Variants in KCTD8 observed in about 807,000 individuals in gnomAD.
KCTD8 encodes potassium channel tetramerization domain containing 8.
In KCTD8, 27 loss-of-function variants were observed where a neutral mutation model predicts 31.5. The observed-to-expected ratio is 0.86, with a 90% CI of 0.63 to 1.18. KCTD8 has a LOEUF of 1.18. Among genes scored for constraint, KCTD8 ranks in the 50% most tolerant of loss-of-function variants. The probability of loss-of-function intolerance (pLI) is 0.00; values close to 1 mark genes in which losing one functional copy is unlikely to be tolerated. For synonymous variants in KCTD8, 290 were observed against 280.0 expected (o/e 1.04, Z -0.36); for missense variants, 658 against 647.7 (o/e 1.02, Z -0.17).
At chr4:44,363,062 G>T (rs1719541684) in intron 1 of KCTD8, among the ~76,000 whole-genome samples, 1 of 151,974 alleles carries the variant, frequency 6.6e-6, no homozygotes, top group Non-Finnish European at 1.5e-5. Context: ...ATATTGGAAA[G>T]GAGGTTATGT....
intron 1 of KCTD8, among the ~76,000 whole-genome samples, chr4:44,218,532 A>C (rs932103153): frequency 2.0e-5 from 3 of 150,858 alleles, no homozygotes; most frequent in African/African-American, 7.3e-5. Context: ...TTCACATTGC[A>C]TGCCTGTATC....
At chr4:44,401,432 T>C (rs949791083) in intron 1 of KCTD8, among the ~76,000 whole-genome samples, 2 of 152,120 alleles carry the variant, frequency 1.3e-5, no homozygotes, top group African/African-American at 4.8e-5. Context: ...CAAAAGTCTG[T>C]GAACATATGG....
chr4:44,210,743 C>T (rs1016871143), intron 1 of KCTD8, among the ~76,000 whole-genome samples: 5 of 152,122 alleles, frequency 3.3e-5, no homozygotes, highest in Non-Finnish European at 7.4e-5. Context: ...GGAAGGGCAC[C>T]ACTTTCCTCT....
At chr4:44,303,631 C>G (rs142042754) in intron 1 of KCTD8, among the ~76,000 whole-genome samples, 1 of 151,916 alleles carries the variant, frequency 6.6e-6, no homozygotes, top group Non-Finnish European at 1.5e-5. Context: ...GCCTGGGCAA[C>G]ATAGCAAAAT....
At chr4:44,283,058 A>G (rs1716945655) in intron 1 of KCTD8, among the ~76,000 whole-genome samples, 1 of 110,430 alleles carries the variant, frequency 9.1e-6, no homozygotes, top group South Asian at 3.1e-4. Flanking sequence ...TATTATTATT[A>G]TTATTATTAT....
At position 44,297,194 on chromosome 4, in the gene KCTD8, A is replaced by G. The variant is rs146399113; in HGVS notation, c.962-121944T>C. Among the ~76,000 whole-genome samples the G allele has an allele frequency of 5.3e-3, 813 of 152,276 alleles. 11 individuals are homozygous for G. Among genetic ancestry groups the G allele is most frequent in the African/African-American group, 0.018 (756 of 41,594 alleles). On this transcript the variant is annotated intron_variant, in intron 1 of 1. Coordinates refer to ENST00000360029, the MANE Select transcript of KCTD8 (RefSeq NM_198353.3). The stretch of plus-strand genomic sequence containing the variant: ...TATATTCAACATAAGATAGGGAAAA[A>G]GTATTCCATAAATAGGTAAGCCCAA...
At chr4:44,436,412 G>C (rs1721647102) in intron 1 of KCTD8, among the ~76,000 whole-genome samples, 1 of 151,968 alleles carries the variant, frequency 6.6e-6, no homozygotes, top group South Asian at 2.1e-4. Context: ...TCAAAGAAGA[G>C]AGACTATCTT....
chr4:44,320,194 AAAAAAG>A (rs1718258497), intron 1 of KCTD8, among the ~76,000 whole-genome samples: 2 of 148,902 alleles, frequency 1.3e-5, no homozygotes, highest in Admixed American at 1.4e-4. Context: ...AAAAAAAAAA[AAAAAAG>A]AGAGAGAGAA....
At chr4:44,204,380 AC>A (rs1714241458) in intron 1 of KCTD8, among the ~76,000 whole-genome samples, 1 of 152,088 alleles carries the variant, frequency 6.6e-6, no homozygotes, top group Non-Finnish European at 1.5e-5. Flanking sequence ...TTAAAGATCG[AC>A]CCCTGATCTA....
At chr4:44,181,393 G>C (rs552610917) in intron 1 of KCTD8, among the ~76,000 whole-genome samples, 1 of 152,138 alleles carries the variant, frequency 6.6e-6, no homozygotes, top group Non-Finnish European at 1.5e-5. Context: ...TTGCAGGCGC[G>C]CACCACCACG....
At chr4:44,427,527 T>A (rs1324357509) in intron 1 of KCTD8, among the ~76,000 whole-genome samples, 2 of 151,602 alleles carry the variant, frequency 1.3e-5, no homozygotes, top group Middle Eastern at 3.4e-3. Context: ...TGATGAAAGA[T>A]CAATTTATAA....
At chr4:44,296,729 T>G (rs1717447825) in intron 1 of KCTD8, among the ~76,000 whole-genome samples, 1 of 152,094 alleles carries the variant, frequency 6.6e-6, no homozygotes, top group African/African-American at 2.4e-5. Context: ...ATGATTCATC[T>G]AATTATGTGT....
intron 1 of KCTD8, among the ~76,000 whole-genome samples, chr4:44,362,529 T>C (rs1357570051): frequency 6.6e-6 from 1 of 152,024 alleles, no homozygotes; most frequent in Non-Finnish European, 1.5e-5. Context: ...GAAGATCAAA[T>C]AGTGTTGTAG....
intron 1 of KCTD8, among the ~76,000 whole-genome samples, chr4:44,198,034 C>T (rs1038582247): frequency 2.1e-4 from 32 of 152,036 alleles, no homozygotes; most frequent in African/African-American, 6.5e-4. Flanking sequence ...ACAGATTAGA[C>T]CAAACCCAGG....
Position 44,302,165 on chromosome 4 carries a change from T to G in KCTD8, c.962-126915A>C, listed in dbSNP as rs552780038. ...GTCAGGTAGCGTGATGCCTCCAGCT[T>G]TGTTCTTTTGGCTTAGGATTGACTT... On this transcript the variant is annotated intron_variant, in intron 1 of 1. Transcript: ENST00000360029. Among the ~76,000 whole-genome samples, 1,513 of 152,266 alleles carry G rather than the reference T, an allele frequency of 9.9e-3. 15 individuals carry two copies. The highest frequency in any genetic ancestry group is 0.013 in the Non-Finnish European group (876 of 68,020).
At chr4:44,351,879 C>T (rs9685163) in intron 1 of KCTD8, among the ~76,000 whole-genome samples, 2 of 152,080 alleles carry the variant, frequency 1.3e-5, no homozygotes, top group African/African-American at 4.8e-5. Context: ...TTATTTCCAA[C>T]TTATTCAGTC....
At chr4:44,432,352 C>T (rs1320724838) in intron 1 of KCTD8, among the ~76,000 whole-genome samples, 1 of 151,472 alleles carries the variant, frequency 6.6e-6, no homozygotes, top group Non-Finnish European at 1.5e-5. Context: ...TCTATACATA[C>T]AGATCTCTGT....
At chr4:44,413,699 T>C (rs930408470) in intron 1 of KCTD8, among the ~76,000 whole-genome samples, 7 of 152,160 alleles carry the variant, frequency 4.6e-5, no homozygotes, top group Non-Finnish European at 8.8e-5. Flanking sequence ...ATGGTTGTAG[T>C]AGGCAGAATA....
chr4:44,199,401 G>A (rs982858342), intron 1 of KCTD8, among the ~76,000 whole-genome samples: 2 of 151,834 alleles, frequency 1.3e-5, no homozygotes, highest in Non-Finnish European at 2.9e-5. Flanking sequence ...CCACATGTTC[G>A]GCCATATAGC....
Sources: gnomAD v4.1 joint callset for allele counts (sites outside exome capture counted in the v4.1 genomes callset) on GRCh38, gnomAD v4.1.1 for gene constraint, MANE v1.5 for transcripts, NCBI Gene and HGNC (gene_info 2026-07-23, HGNC 2026-07-21) for gene names.